RALGPS1: variants seen among roughly 807,000 people sequenced by gnomAD.
RALGPS1 encodes ras-specific guanine nucleotide-releasing factor RalGPS1.
Under a neutral mutation model 78.8 loss-of-function variants are expected in RALGPS1, and 19 were observed. The ratio of observed to expected loss-of-function variants is 0.24; its 90% CI spans 0.17 to 0.35. The LOEUF is 0.35. Among genes scored for constraint, RALGPS1 ranks in the 10% least tolerant of loss-of-function variants. The pLI is 1.00. For missense variants in RALGPS1, 454 were observed against 688.3 expected, an observed-to-expected ratio of 0.66 and a Z score of 3.81; for synonymous variants, 228 against 256.3, an observed-to-expected ratio of 0.89 and a Z score of 1.06.
chr9:127,093,388 C>T (rs532350373), intron 8 of RALGPS1, among the ~76,000 whole-genome samples: 122 of 152,226 alleles, frequency 8.0e-4, no homozygotes, highest in African/African-American at 2.8e-3. Context: ...CCATGGAAAC[C>T]CCACTTGGGA....
chr9:127,155,827 T>A (rs1258662308), intron 8 of RALGPS1, among the ~76,000 whole-genome samples: 1 of 151,962 alleles, frequency 6.6e-6, no homozygotes, highest in African/African-American at 2.4e-5. Context: ...GTGCTTCACA[T>A]ATTGCTCTCC....
In RALGPS1 at chr9:127,091,546, C is replaced by A. The variant is rs79053350; in HGVS notation, c.610+22190C>A. Reference sequence around the variant, plus strand: ...CTCAGGGGGTGGTAACAGGGTCAGGCAGCTTGGCCCAGCTGCTTCTCACCC... The same window carrying A: ...CTCAGGGGGTGGTAACAGGGTCAGGAAGCTTGGCCCAGCTGCTTCTCACCC... On this transcript the variant is annotated intron_variant, in intron 8 of 18. Transcript: ENST00000259351. The surrounding 1 kb of genome is among the most constrained non-coding windows in gnomAD (Gnocchi z 4.3). 44,017 of 1,348,166 alleles carry A rather than the reference C, an allele frequency of 0.033. 884 individuals carry two copies. The highest frequency in any genetic ancestry group is 0.039 in the Non-Finnish European group (38,254 of 990,696). 83.5% of individuals were successfully genotyped at this position (1,348,166 alleles called of 1,614,324 possible).
chr9:127,163,068 C>T (rs920143100), intron 8 of RALGPS1, among the ~76,000 whole-genome samples: 1 of 152,106 alleles, frequency 6.6e-6, no homozygotes, highest in Non-Finnish European at 1.5e-5. Context: ...AGTTGCCTTT[C>T]CCCCCATCCT....
In RALGPS1 at chr9:127,168,744, C is replaced by T. The variant is rs756387322; in HGVS notation, c.814C>T (p.Gln272Ter). Residue 272 changes from glutamine (Q) to a stop codon, truncating the protein, a stop_gained, in exon 10 of 19, where the codon CAG (glutamine) becomes TAG (stop). Coordinates refer to ENST00000259351, the MANE Select transcript of RALGPS1 (RefSeq NM_014636.3). LOFTEE classifies it high-confidence loss of function. ...LKSVRYIEEL[Q>*]KFVEDDNYKL... The stretch of plus-strand genomic sequence containing the variant: ...GTCCGTACGCTACATTGAAGAGCTC[C>T]AGAAGTTTGTGGAAGACGACAACTA... 1 of 1,613,304 alleles carries T rather than the reference C, an allele frequency of 6.2e-7. No individual in the cohort carries two copies. The highest frequency in any genetic ancestry group is 8.5e-7 in the Non-Finnish European group (1 of 1,179,198).
At chr9:127,121,644 G>A (rs978985128) in intron 8 of RALGPS1, among the ~76,000 whole-genome samples, 10 of 152,196 alleles carry the variant, frequency 6.6e-5, no homozygotes, top group African/African-American at 2.4e-4. Context: ...CTGTCCCCTT[G>A]CGGGGGTACC....
chr9:127,060,862 G>A (rs1168711574), intron 7 of RALGPS1, among the ~76,000 whole-genome samples: 3 of 152,142 alleles, frequency 2.0e-5, no homozygotes, highest in Non-Finnish European at 2.9e-5. Context: ...CAACCATTCC[G>A]ACACCAGTTT....
chr9:126,915,286 G>C (rs1207827148), intron 1 of RALGPS1, among the ~76,000 whole-genome samples: 9 of 134,668 alleles, frequency 6.7e-5, no homozygotes, highest in Admixed American at 4.2e-4. Context: ...GGCGGGGCCG[G>C]GGGGGCAGTT....
intron 8 of RALGPS1, among the ~76,000 whole-genome samples, chr9:127,084,373 C>T (rs1020475862): frequency 1.6e-4 from 25 of 152,180 alleles, no homozygotes; most frequent in African/African-American, 5.8e-4. Flanking sequence ...AGCTCGTGCT[C>T]CCTCCCTGGA....
intron 8 of RALGPS1, among the ~76,000 whole-genome samples, chr9:127,102,345 TG>T (rs1008288261): frequency 1.1e-5 from 1 of 90,750 alleles, no homozygotes; most frequent in Non-Finnish European, 2.2e-5. Flanking sequence ...ATTTTTTTTG[TG>T]GGGGTGGGGG....
intron 8 of RALGPS1, among the ~76,000 whole-genome samples, chr9:127,136,096 A>G (rs2057374574): frequency 6.6e-6 from 1 of 152,108 alleles, no homozygotes; most frequent in Non-Finnish European, 1.5e-5. Context: ...TAAAGTAGTA[A>G]CGACTTCAGC....
At chr9:126,944,588 G>C (rs2037087358) in intron 1 of RALGPS1, among the ~76,000 whole-genome samples, 1 of 144,982 alleles carries the variant, frequency 6.9e-6, no homozygotes, top group Non-Finnish European at 1.5e-5. Flanking sequence ...ATTGGGTGGG[G>C]AGGGAGGGTG....
chr9:126,998,319 A>C (rs1171412917), intron 4 of RALGPS1, among the ~76,000 whole-genome samples: 5 of 152,314 alleles, frequency 3.3e-5, no homozygotes, highest in East Asian at 1.9e-4. Context: ...CAAATTTACA[A>C]GAAAAAAACA....
chr9:127,175,966 C>T (rs1342511443), intron 11 of RALGPS1, among the ~76,000 whole-genome samples: 1 of 152,122 alleles, frequency 6.6e-6, no homozygotes, highest in African/African-American at 2.4e-5. Flanking sequence ...AGTGTGGCAG[C>T]CTCTCATGAG....
At chr9:127,093,561 A>ATGGC (rs2052742329) in intron 8 of RALGPS1, among the ~76,000 whole-genome samples, 1 of 152,094 alleles carries the variant, frequency 6.6e-6, no homozygotes, top group Non-Finnish European at 1.5e-5. Flanking sequence ...GGTTTGCAAA[A>ATGGC]TGGCCCTGTC....
chr9:127,189,516 G>A (rs1352293353), intron 11 of RALGPS1, among the ~76,000 whole-genome samples: 1 of 152,194 alleles, frequency 6.6e-6, no homozygotes. Context: ...TACCCACTGA[G>A]CTTCTACTAC....
intron 8 of RALGPS1, among the ~76,000 whole-genome samples, chr9:127,096,889 C>G (rs2053197546): frequency 6.6e-6 from 1 of 152,200 alleles, no homozygotes; most frequent in African/African-American, 2.4e-5. Context: ...AGGTGACCCT[C>G]CTGACACTCC....
intron 10 of RALGPS1, among the ~76,000 whole-genome samples, chr9:127,173,497 C>G (rs1013841381): frequency 6.6e-6 from 1 of 152,160 alleles, no homozygotes; most frequent in South Asian, 2.1e-4. Flanking sequence ...TGTTTAGTTG[C>G]ACCTGGTGAG....
At chr9:127,196,337 A>G in intron 12 of RALGPS1, 137 bp from the exon 13 acceptor site, 1 of 933,966 alleles carries the variant, frequency 1.1e-6, no homozygotes, top group Non-Finnish European at 1.6e-6. Flanking sequence ...GAGAGGACAG[A>G]GCCTGGGCTG....
At chr9:127,007,921 C>T (rs531394075) in intron 4 of RALGPS1, among the ~76,000 whole-genome samples, 5 of 152,184 alleles carry the variant, frequency 3.3e-5, no homozygotes, top group Non-Finnish European at 5.9e-5. Context: ...AAGAGACCTG[C>T]GAGGGAGAGC....
Sources: allele counts gnomAD v4.1 joint callset (sites outside exome capture counted in the v4.1 genomes callset), GRCh38; gene constraint gnomAD v4.1.1; non-coding constraint Gnocchi (gnomAD v3.1); transcripts MANE v1.5; gene names NCBI Gene and HGNC (gene_info 2026-07-23, HGNC 2026-07-21).